The following COQ9 variants were observed in gnomAD, a reference collection of about 807,000 sequenced individuals.
COQ9 encodes the protein ubiquinone biosynthesis protein COQ9, mitochondrial.
Under a neutral mutation model 42.4 loss-of-function variants are expected in COQ9, and 35 were observed. The observed-to-expected ratio is 0.83, with a 90% confidence interval of 0.63 to 1.10. The LOEUF (loss-of-function observed/expected upper bound fraction) is 1.10. COQ9 is among the 50% of genes least tolerant of loss of function. COQ9 has a pLI of 0.00. For synonymous variants in COQ9, 155 were observed against 155.1 expected, an observed-to-expected ratio of 1.00 and a Z score of 0.00; for missense variants, 406 against 414.6, an observed-to-expected ratio of 0.98 and a Z score of 0.18.
At chr16:57,458,743 C>T (rs2030462336) in intron 6 of COQ9, among the ~76,000 whole-genome samples, 1 of 152,178 alleles carries the variant, frequency 6.6e-6, no homozygotes, top group Non-Finnish European at 1.5e-5. Flanking sequence ...AAGAAATTCC[C>T]TTCCCCAGCC....
At chr16:57,458,702 G>A (rs1455181151) in intron 6 of COQ9, among the ~76,000 whole-genome samples, 2 of 152,150 alleles carry the variant, frequency 1.3e-5, no homozygotes, top group Admixed American at 1.3e-4. Flanking sequence ...TTGAAAAAAA[G>A]AAATGCCATG....
Position 57,451,072 on chromosome 16 carries a change from G to A in COQ9, c.106G>A (p.Ala36Thr). 2 of 1,614,134 alleles carry A rather than the reference G, an allele frequency of 1.2e-6. No individual in the cohort carries two copies. The highest frequency in any genetic ancestry group is 1.7e-6 in the Non-Finnish European group (2 of 1,180,036). ...ARCRQALVPR[A>T]FHASAVGLRS... is the part of the protein sequence containing the mutation. ...TTGCCGACAAGCCCTGGTGCCGCGT[G>A]CCTTCCATGCTTCAGCTGTGGGGCT... Residue 36 changes from alanine to threonine, a missense_variant, in exon 2 of 9, where the codon GCC (alanine) becomes ACC (threonine). Coordinates refer to ENST00000262507, the MANE Select transcript of COQ9 (RefSeq NM_020312.4).
At chr16:57,450,995 G>T (rs775629795) in intron 1 of COQ9, 45 bp from the exon 2 acceptor site, 12 of 1,608,480 alleles carry the variant, frequency 7.5e-6, no homozygotes, top group South Asian at 2.2e-5. Context: ...GGTCTGAAAG[G>T]GTCTTCTCTG....
At chr16:57,452,672 T>G in intron 2 of COQ9, 129 bp from the exon 3 acceptor site, 1 of 1,147,444 alleles carries the variant, frequency 8.7e-7, no homozygotes, top group Admixed American at 1.7e-5. Context: ...AAAACCACAT[T>G]GATAGTGACA....
At chr16:57,453,431 A>G (rs2030335022) in intron 3 of COQ9, 1 of 262,370 alleles carries the variant, frequency 3.8e-6, no homozygotes, top group African/African-American at 2.2e-5. Context: ...AGAAACTCTA[A>G]TAGCATTTTC....
In COQ9 at chr16:57,459,704, G is replaced by C; in HGVS notation, c.851G>C (p.Gly284Ala). Residue 284 changes from glycine to alanine, a missense_variant, in exon 7 of 9, where the codon GGC (glycine) becomes GCC (alanine). Transcript: ENST00000262507. ...ENRVNDAMNM[G>A]HTAKQVKSTG... ...CGGGTTAATGATGCAATGAACATGG[G>C]CCACACTGCCAAGCAGGTAGGTGGG... 1 of 1,614,150 alleles carries C rather than the reference G, an allele frequency of 6.2e-7. No homozygotes were observed. Among genetic ancestry groups the C allele is most frequent in the Non-Finnish European group, 8.5e-7 (1 of 1,180,016 alleles).
In COQ9 at chr16:57,459,680, G is replaced by A. The variant is rs1357347865; in HGVS notation, c.827G>A (p.Arg276Gln). 25 of 1,614,046 alleles carry A rather than the reference G, an allele frequency of 1.5e-5. No individual in the cohort carries two copies. The highest frequency in any genetic ancestry group is 2.0e-5 in the Non-Finnish European group (24 of 1,180,032). ...FEDTWRFLEN[R>Q]VNDAMNMGHT... Reference sequence around the variant, plus strand: ...GACACTTGGCGCTTCCTGGAAAACCGGGTTAATGATGCAATGAACATGGGC... The same window carrying A: ...GACACTTGGCGCTTCCTGGAAAACCAGGTTAATGATGCAATGAACATGGGC... The change falls in exon 7 of 9, where the codon CGG (arginine) becomes CAG (glutamine). Residue 276 changes from arginine to glutamine, a missense_variant. Transcript: ENST00000262507.
chr16:57,457,287 G>T, intron 5 of COQ9: 1 of 522,458 alleles, frequency 1.9e-6, no homozygotes, highest in Non-Finnish European at 3.6e-6. Context: ...TGGTCTGAGT[G>T]TGCCACCAGG....
intron 8 of COQ9, 144 bp downstream of exon 8, chr16:57,460,248 G>T: frequency 1.1e-6 from 1 of 923,232 alleles, no homozygotes; most frequent in Non-Finnish European, 1.7e-6. Flanking sequence ...CAGCCCTAGT[G>T]TCTTGATTCC....
At chr16:57,450,955 TTCC>T (rs2030271236) in intron 1 of COQ9, 82 bp from the exon 2 acceptor site, 1 of 1,471,288 alleles carries the variant, frequency 6.8e-7, no homozygotes, top group Non-Finnish European at 9.4e-7. Flanking sequence ...TGGCCTGCTT[TTCC>T]TCCTCCTTAT....
Position 57,451,191 on chromosome 16 carries a change from T to G in COQ9, c.225T>G (p.Ser75=), listed in dbSNP as rs764812716. Residue 75 remains serine (S), a synonymous_variant, in exon 2 of 9, where the codon TCT becomes TCG. Transcript: ENST00000262507. ...TQGAEKPDPE[S]SHSPPRYTDQ... ...GGGCAGAAAAACCTGATCCAGAGTC[T>G]TCTCATTCACCCCCCAGGTAGGCAC... 1.2e-6 allele frequency: 2 copies of G among 1,614,184 alleles called. No individual in the cohort carries two copies. Among genetic ancestry groups the G allele is most frequent in the Non-Finnish European group, 1.7e-6 (2 of 1,180,024 alleles).
intron 1 of COQ9, among the ~76,000 whole-genome samples, chr16:57,450,005 G>T (rs2030244561): frequency 6.6e-6 from 1 of 152,208 alleles, no homozygotes; most frequent in African/African-American, 2.4e-5. Context: ...ACTGATATCT[G>T]CAACAAATGC....
At chr16:57,452,427 A>G (rs1453256019) in intron 2 of COQ9, among the ~76,000 whole-genome samples, 1 of 152,216 alleles carries the variant, frequency 6.6e-6, no homozygotes, top group Non-Finnish European at 1.5e-5. Flanking sequence ...GGCTCACTTG[A>G]GGTCAGGAGT....
Position 57,456,484 on chromosome 16 carries a change from T to C in COQ9, c.379-20T>C, listed in dbSNP as rs776191682. 1.9e-6 allele frequency: 3 copies of C among 1,613,978 alleles called. No homozygotes were observed. Among genetic ancestry groups the C allele is most frequent in the Non-Finnish European group, 2.5e-6 (3 of 1,180,012 alleles). ...TACACTTGGGCACCGCTTTTCTGTT[T>C]TCTGTCTCCCCTTTTGTAGTCTCTG... On this transcript the variant is annotated intron_variant, in intron 3 of 8. Transcript: ENST00000262507.
chr16:57,460,133 CT>C, intron 8 of COQ9, 29 bp downstream of exon 8: 1 of 1,611,536 alleles, frequency 6.2e-7, no homozygotes, highest in Middle Eastern at 1.7e-4. Context: ...ATCCCTGCCC[CT>C]CCTCTCTCCC....
chr16:57,458,812 A>C (rs1463406530), intron 6 of COQ9, among the ~76,000 whole-genome samples: 1 of 152,242 alleles, frequency 6.6e-6, no homozygotes, highest in African/African-American at 2.4e-5. Context: ...CCAGGAAAGA[A>C]TCCGACTTGT....
intron 3 of COQ9, chr16:57,454,323 G>C (rs1002840599): frequency 2.0e-5 from 3 of 152,238 alleles, no homozygotes; most frequent in Admixed American, 2.0e-4. Context: ...AAAACATGTT[G>C]CCTGTTAAAC....
At chr16:57,448,302 A>G (rs1414918299) in intron 1 of COQ9, among the ~76,000 whole-genome samples, 6 of 151,874 alleles carry the variant, frequency 4.0e-5, no homozygotes, top group Non-Finnish European at 8.8e-5. Flanking sequence ...CATGTATTAA[A>G]ATATTGATAT....
rs1209237096 is a variant in COQ9, at chr16:57,456,562, T to C, written c.437T>C (p.Ile146Thr). The C allele has an allele frequency of 6.8e-6, 11 of 1,613,992 alleles. No homozygotes were observed. Among genetic ancestry groups the C allele is most frequent in the Non-Finnish European group, 9.3e-6 (11 of 1,179,954 alleles). ...TTCGGGAAGGATGGCAGTGAGCTAATACTGCATTTTGTGACCCAGTGCAAT... is the reference window on the plus strand; with the variant it reads ...TTCGGGAAGGATGGCAGTGAGCTAACACTGCATTTTGTGACCCAGTGCAAT... ...SMFGKDGSEL[I>T]LHFVTQCNTR... The change falls in exon 4 of 9, where the codon ATA (isoleucine) becomes ACA (threonine). Residue 146 changes from isoleucine to threonine, a missense_variant. Ile to Thr is a moderately conservative substitution (Grantham distance 89). Transcript: ENST00000262507.
Sources: gnomAD v4.1 joint callset for allele counts (sites outside exome capture counted in the v4.1 genomes callset) on GRCh38, gnomAD v4.1.1 for gene constraint, MANE v1.5 for transcripts, NCBI Gene and HGNC (gene_info 2026-07-23, HGNC 2026-07-21) for gene names.